The following SHISA6 variants were observed in gnomAD, a reference collection of about 807,000 sequenced individuals.
The protein encoded by SHISA6 is shisa family member 6, also known as protein shisa-6.
A neutral mutation model predicts 47.9 loss-of-function variants in SHISA6; 22 were observed. The ratio of observed to expected loss-of-function variants is 0.46; its 90% CI spans 0.33 to 0.66. The LOEUF is 0.66. Ranked by LOEUF, SHISA6 falls within the 30% of genes least tolerant of loss-of-function variation. The probability of loss-of-function intolerance (pLI) is 0.02; values close to 1 mark genes in which losing one functional copy is unlikely to be tolerated. For missense variants in SHISA6, 680 were observed against 764.6 expected, an observed-to-expected ratio of 0.89 and a Z score of 1.30; for synonymous variants, 388 against 337.8, an observed-to-expected ratio of 1.15 and a Z score of -1.63.
chr17:11,432,816 G>A (rs998169111), intron 3 of SHISA6, among the ~76,000 whole-genome samples: 2 of 151,978 alleles, frequency 1.3e-5, no homozygotes, highest in Non-Finnish European at 1.5e-5. Context: ...CCCACGTATT[G>A]TATGATTCCA....
chr17:11,362,958 G>A (rs1041637660), intron 2 of SHISA6, among the ~76,000 whole-genome samples: 3 of 152,194 alleles, frequency 2.0e-5, no homozygotes, highest in African/African-American at 7.2e-5. Flanking sequence ...GTTGCACTGA[G>A]TTTATTAGTG....
intron 3 of SHISA6, among the ~76,000 whole-genome samples, chr17:11,491,035 T>C (rs1032523788): frequency 3.9e-5 from 6 of 152,156 alleles, no homozygotes; most frequent in Non-Finnish European, 8.8e-5. Context: ...GACCCTTCAA[T>C]AGCCGGAGTT....
At chr17:11,533,253 T>C (rs1159769123) in intron 3 of SHISA6, among the ~76,000 whole-genome samples, 1 of 152,208 alleles carries the variant, frequency 6.6e-6, no homozygotes, top group East Asian at 1.9e-4. Flanking sequence ...ATTTCTATAG[T>C]AGCTTGTCAA....
intron 4 of SHISA6, among the ~76,000 whole-genome samples, chr17:11,552,812 A>G (rs1597583563): frequency 2.6e-5 from 4 of 152,262 alleles, no homozygotes; most frequent in African/African-American, 4.8e-5. Context: ...GTGGAAATAA[A>G]TGATGAAAGC....
At chr17:11,249,738 C>T (rs1172527372) in intron 1 of SHISA6, among the ~76,000 whole-genome samples, 1 of 152,052 alleles carries the variant, frequency 6.6e-6, no homozygotes, top group East Asian at 1.9e-4. Context: ...TTTAATTTTC[C>T]TAGGGTTGAT....
chr17:11,318,596 A>G (rs1290940442), intron 2 of SHISA6, among the ~76,000 whole-genome samples: 2 of 152,240 alleles, frequency 1.3e-5, no homozygotes, highest in Non-Finnish European at 2.9e-5. Context: ...TCTTATCAGA[A>G]CTGCAAATGT....
chr17:11,324,605 G>C lies in SHISA6; in HGVS notation c.800-54809G>C, dbSNP rs576506354. Among the ~76,000 whole-genome samples, 3 of 152,054 alleles carry C rather than the reference G, an allele frequency of 2.0e-5. No individual in the cohort carries two copies. In the East Asian group the frequency reaches 5.8e-4, roughly 30 times the overall value. On this transcript the variant is annotated intron_variant, in intron 2 of 5. Coordinates refer to ENST00000441885, the MANE Select transcript of SHISA6 (RefSeq NM_207386.4). The stretch of plus-strand genomic sequence containing the variant: ...GAGAACACAGTTGTGCTCCAGATTG[G>C]GGGGTGGAGAGAAGAGGCCACACCA...
chr17:11,369,369 A>G (rs1266362746), intron 2 of SHISA6, among the ~76,000 whole-genome samples: 2 of 152,224 alleles, frequency 1.3e-5, no homozygotes, highest in Admixed American at 1.3e-4. Context: ...ATTCATCACC[A>G]ATGTCTCAGT....
At chr17:11,285,518 A>T (rs2142164110) in intron 2 of SHISA6, among the ~76,000 whole-genome samples, 1 of 152,320 alleles carries the variant, frequency 6.6e-6, no homozygotes. Context: ...ACCTTTTAAA[A>T]AATGAATCCT....
At chr17:11,445,183 A>G (rs9900468) in intron 3 of SHISA6, among the ~76,000 whole-genome samples, 33,850 of 152,076 alleles carry the variant, frequency 0.22, 3,917 homozygotes, top group South Asian at 0.35. Context: ...ACATGGCAGA[A>G]AAAAGCAAGA....
chr17:11,354,593 G>C (rs943045437), intron 2 of SHISA6, among the ~76,000 whole-genome samples: 7 of 152,168 alleles, frequency 4.6e-5, no homozygotes, highest in African/African-American at 1.7e-4. Context: ...CCAAGGTCAC[G>C]AAGAAAGCCC....
chr17:11,389,671 C>G (rs1031515048), intron 3 of SHISA6, among the ~76,000 whole-genome samples: 3 of 152,218 alleles, frequency 2.0e-5, no homozygotes, highest in African/African-American at 7.2e-5. Context: ...TGGGCTGTTG[C>G]TCTTCTTGTT....
At chr17:11,408,415 A>G (rs1001491121) in intron 3 of SHISA6, among the ~76,000 whole-genome samples, 92 of 152,292 alleles carry the variant, frequency 6.0e-4, no homozygotes, top group Middle Eastern at 3.4e-3. Flanking sequence ...GTGTGTTTTA[A>G]TATGCCCTCC....
At chr17:11,440,339 G>A (rs1425997499) in intron 3 of SHISA6, among the ~76,000 whole-genome samples, 4 of 152,116 alleles carry the variant, frequency 2.6e-5, no homozygotes, top group South Asian at 4.1e-4. Context: ...AGAGTAGAGG[G>A]GATATAAAGG....
chr17:11,304,570 G>A (rs1030209547), intron 2 of SHISA6, among the ~76,000 whole-genome samples: 4 of 152,120 alleles, frequency 2.6e-5, no homozygotes, highest in African/African-American at 9.7e-5. Context: ...TGAGCTGATT[G>A]GAGAGGAAGT....
At chr17:11,487,184 GACCATC>G (rs1288820032) in intron 3 of SHISA6, among the ~76,000 whole-genome samples, 2 of 152,138 alleles carry the variant, frequency 1.3e-5, no homozygotes, top group African/African-American at 4.8e-5. Flanking sequence ...CAGCACAGGA[GACCATC>G]ACCATGTCCA....
At chr17:11,412,799 C>T (rs1369375871) in intron 3 of SHISA6, among the ~76,000 whole-genome samples, 1 of 152,110 alleles carries the variant, frequency 6.6e-6, no homozygotes. Flanking sequence ...CCACCATCCC[C>T]ACCACCCCTG....
At chr17:11,307,083 G>C (rs1910138095) in intron 2 of SHISA6, among the ~76,000 whole-genome samples, 1 of 151,070 alleles carries the variant, frequency 6.6e-6, no homozygotes. Context: ...ATATCTCTTT[G>C]CAAAATAACC....
intron 2 of SHISA6, among the ~76,000 whole-genome samples, chr17:11,271,737 G>T (rs968688519): frequency 1.3e-4 from 20 of 151,532 alleles, no homozygotes; most frequent in African/African-American, 4.9e-4. Context: ...TGGGATTACA[G>T]GCGTGAGCCA....
Sources: gnomAD v4.1 joint callset for allele counts (sites outside exome capture counted in the v4.1 genomes callset) on GRCh38, gnomAD v4.1.1 for gene constraint, MANE v1.5 for transcripts, NCBI Gene and HGNC (gene_info 2026-07-23, HGNC 2026-07-21) for gene names.